The following MBNL1 variants were observed in gnomAD, a reference collection of about 807,000 sequenced individuals.
MBNL1 encodes muscleblind like splicing regulator 1.
Under a neutral mutation model 42.2 loss-of-function variants are expected in MBNL1, and 8 were observed. The observed-to-expected ratio is 0.19, with a 90% CI of 0.11 to 0.34. MBNL1 has a LOEUF of 0.34. Among genes scored for constraint, MBNL1 ranks in the 10% least tolerant of loss-of-function variants. The pLI, the probability that MBNL1 is intolerant of heterozygous loss-of-function variation, is 1.00. For synonymous variants in MBNL1, 169 were observed against 173.9 expected (o/e 0.97, Z 0.22); for missense variants, 309 against 495.3 (o/e 0.62, Z 3.57).
intron 2 of MBNL1, among the ~76,000 whole-genome samples, chr3:152,377,283 G>GTTGATTTGAAA (rs2096950512): frequency 6.6e-6 from 1 of 152,092 alleles, no homozygotes; most frequent in African/African-American, 2.4e-5. Context: ...TTGAATCTGG[G>GTTGATTTGAAA]TTGATTTGAA....
At chr3:152,344,848 C>T (rs913981039) in intron 2 of MBNL1, among the ~76,000 whole-genome samples, 7 of 151,952 alleles carry the variant, frequency 4.6e-5, no homozygotes, top group African/African-American at 1.5e-4. Flanking sequence ...TTCTTTTCTT[C>T]CTGCTCTCTC....
intron 2 of MBNL1, among the ~76,000 whole-genome samples, chr3:152,405,499 A>G (rs2098405736): frequency 6.6e-6 from 1 of 152,186 alleles, no homozygotes; most frequent in Admixed American, 6.5e-5. Context: ...GTTTTTAGTC[A>G]GTACTTCCTG....
At chr3:152,279,856 T>C (rs2047393385) in intron 1 of MBNL1, among the ~76,000 whole-genome samples, 1 of 152,162 alleles carries the variant, frequency 6.6e-6, no homozygotes, top group South Asian at 2.1e-4. Context: ...TCATCTAATT[T>C]ATACATCAGT....
intron 2 of MBNL1, among the ~76,000 whole-genome samples, chr3:152,251,714 T>C (rs1004381737): frequency 6.6e-5 from 10 of 152,220 alleles, no homozygotes; most frequent in African/African-American, 2.4e-4. Flanking sequence ...TTGTTTCCTC[T>C]CCTGCTATCG....
At chr3:152,289,418 C>T (rs966986789) in intron 1 of MBNL1, among the ~76,000 whole-genome samples, 3 of 151,746 alleles carry the variant, frequency 2.0e-5, no homozygotes, top group African/African-American at 7.3e-5. Context: ...AACCTTCTTC[C>T]AAGGATATTT....
chr3:152,332,748 G>GCA (rs1560182500), intron 2 of MBNL1, among the ~76,000 whole-genome samples: 1 of 148,388 alleles, frequency 6.7e-6, no homozygotes, highest in Non-Finnish European at 1.5e-5. Flanking sequence ...GTGCGCGCGC[G>GCA]CATGCGCACA....
rs117801319 is a variant in MBNL1 at position 152,411,044 on chromosome 3, T to A, written c.175-3897T>A. Among the ~76,000 whole-genome samples the A allele has an allele frequency of 1.8e-4, 28 of 152,342 alleles. No individual in the cohort carries two copies. In the East Asian group the frequency reaches 5.4e-3, roughly 29 times the overall value. ...TGAGGATGGCCTGTAGTCTTACTAA[T>A]CTTCATACATCACCAATGAGATGTT... On this transcript the variant is annotated intron_variant, in intron 2 of 9. Transcript: ENST00000324210.
intron 2 of MBNL1, 112 bp downstream of exon 2, chr3:152,300,479 T>C (rs1577384836): frequency 3.3e-6 from 3 of 906,622 alleles, no homozygotes; most frequent in South Asian, 3.7e-5. Context: ...AGTTTAGTTA[T>C]ACAGTGTGTT....
intron 2 of MBNL1, among the ~76,000 whole-genome samples, chr3:152,247,727 G>A (rs2033445517): frequency 6.6e-6 from 1 of 151,334 alleles, no homozygotes; most frequent in African/African-American, 2.4e-5. Context: ...ATTCCTTCCA[G>A]TTTTATTTTT....
intron 2 of MBNL1, among the ~76,000 whole-genome samples, chr3:152,376,405 A>G (rs1300589138): frequency 6.6e-6 from 1 of 152,190 alleles, no homozygotes; most frequent in African/African-American, 2.4e-5. Context: ...TTTGTCTAAT[A>G]CAGTGATATA....
chr3:152,317,623 TTTTTG>T (rs2072896335), intron 2 of MBNL1, among the ~76,000 whole-genome samples: 2 of 152,124 alleles, frequency 1.3e-5, no homozygotes, highest in Admixed American at 1.3e-4. Flanking sequence ...CCTGGCCTAT[TTTTTG>T]TTTTATTTTT....
intron 2 of MBNL1, among the ~76,000 whole-genome samples, chr3:152,412,040 T>C (rs557831212): frequency 6.6e-6 from 1 of 152,310 alleles, no homozygotes; most frequent in Non-Finnish European, 1.5e-5. Flanking sequence ...TACTAAGGGC[T>C]CAGAGATGGA....
intron 2 of MBNL1, among the ~76,000 whole-genome samples, chr3:152,394,190 C>T (rs1367779045): frequency 6.6e-6 from 1 of 152,132 alleles, no homozygotes. Flanking sequence ...TAACAGATAA[C>T]ATTGTTTATA....
upstream of MBNL1, chr3:152,266,767 C>G (rs2037299594): frequency 6.6e-6 from 1 of 152,146 alleles, no homozygotes; most frequent in African/African-American, 2.4e-5. Context: ...TGAGAGTCTC[C>G]CAAGGCTCCT....
intron 3 of MBNL1, among the ~76,000 whole-genome samples, chr3:152,425,089 C>T (rs2098895949): frequency 6.6e-6 from 1 of 152,024 alleles, no homozygotes; most frequent in African/African-American, 2.4e-5. Context: ...AGCTTCTGCA[C>T]AGCAAAAGAA....
chr3:152,410,265 A>G (rs1293655179), intron 2 of MBNL1, among the ~76,000 whole-genome samples: 3 of 152,158 alleles, frequency 2.0e-5, no homozygotes, highest in Non-Finnish European at 2.9e-5. Context: ...AAAAAATTAT[A>G]GCAGTTTGAA....
intron 2 of MBNL1, among the ~76,000 whole-genome samples, chr3:152,304,785 C>T (rs953492759): frequency 6.6e-5 from 10 of 152,140 alleles, no homozygotes; most frequent in Admixed American, 6.5e-4. Context: ...CTGACATAAA[C>T]CTTTCTTTAA....
At chr3:152,294,315 G>A (rs571373149) in intron 1 of MBNL1, among the ~76,000 whole-genome samples, 6 of 136,890 alleles carry the variant, frequency 4.4e-5, no homozygotes, top group African/African-American at 1.7e-4. Flanking sequence ...GCAGAGTCTC[G>A]CTCGGTCACC....
chr3:152,296,436 T>TTTA (rs1227351938), intron 1 of MBNL1, among the ~76,000 whole-genome samples: 1 of 152,086 alleles, frequency 6.6e-6, no homozygotes, highest in Non-Finnish European at 1.5e-5. Flanking sequence ...TAAAGACTTG[T>TTTA]GAGTAGGAAG....
Sources: gnomAD v4.1 joint callset for allele counts (sites outside exome capture counted in the v4.1 genomes callset) on GRCh38, gnomAD v4.1.1 for gene constraint, MANE v1.5 for transcripts, NCBI Gene and HGNC (gene_info 2026-07-23, HGNC 2026-07-21) for gene names.